The following SNUPN variants were observed in gnomAD, a reference collection of about 807,000 sequenced individuals.
The protein encoded by SNUPN is snurportin-1.
In SNUPN, 31 loss-of-function variants were observed where a neutral mutation model predicts 39.2. The observed-to-expected ratio is 0.79, with a 90% CI of 0.59 to 1.07. SNUPN has a LOEUF of 1.07. Among genes scored for constraint, SNUPN ranks in the 50% least tolerant of loss-of-function variants. The pLI, the probability that SNUPN is intolerant of heterozygous loss-of-function variation, is 0.00. For missense variants in SNUPN, 382 were observed against 434.2 expected, an observed-to-expected ratio of 0.88 and a Z score of 1.07; for synonymous variants, 132 against 159.0, an observed-to-expected ratio of 0.83 and a Z score of 1.28.
intron 8 of SNUPN, chr15:75,600,881 G>C (rs1263077754): frequency 2.5e-6 from 1 of 395,300 alleles, no homozygotes; most frequent in East Asian, 5.2e-5. Context: ...CCGGACCTCA[G>C]TTTCTCCATC....
intron 3 of SNUPN, among the ~76,000 whole-genome samples, chr15:75,616,047 A>G (rs1892924478): frequency 1.3e-5 from 2 of 152,176 alleles, no homozygotes; most frequent in Admixed American, 1.3e-4. Context: ...CTTACTGAAC[A>G]AAATTGAATT....
intron 3 of SNUPN, among the ~76,000 whole-genome samples, chr15:75,610,745 A>C (rs1892757240): frequency 6.6e-6 from 1 of 152,210 alleles, no homozygotes; most frequent in Non-Finnish European, 1.5e-5. Flanking sequence ...CCCAAATACT[A>C]TACTACAGGA....
chr15:75,616,264 C>T (rs1001593501), intron 3 of SNUPN, among the ~76,000 whole-genome samples: 4 of 151,702 alleles, frequency 2.6e-5, no homozygotes, highest in Non-Finnish European at 5.9e-5. Context: ...CGAGACCAAC[C>T]TGTCCACCAT....
intron 2 of SNUPN, among the ~76,000 whole-genome samples, chr15:75,618,023 C>A (rs537510740): frequency 6.6e-6 from 1 of 152,270 alleles, no homozygotes; most frequent in African/African-American, 2.4e-5. Flanking sequence ...AAAACAGTGA[C>A]CGCCCCCTCA....
rs755762561 is a variant in SNUPN, at chr15:75,621,033, C to G, written c.19G>C (p.Ala7Pro). The G allele has an allele frequency of 1.2e-6, 2 of 1,613,694 alleles. No individual in the cohort carries two copies. Among genetic ancestry groups the G allele is most frequent in the Non-Finnish European group, 1.7e-6 (2 of 1,179,934 alleles). Residue 7 changes from alanine to proline, a missense_variant, in exon 2 of 9, where the codon GCC becomes CCC. Coordinates refer to ENST00000308588, the MANE Select transcript of SNUPN (RefSeq NM_005701.4). ...GACACAGAAAAGCTACTAGCCAGGG[C>G]CTGACTCAACTCTTCCATCTTCCCT... MEELSQ[A>P]LASSFSVSQD...
chr15:75,610,859 T>G (rs1225501980), intron 3 of SNUPN, among the ~76,000 whole-genome samples: 1 of 152,204 alleles, frequency 6.6e-6, no homozygotes, highest in Non-Finnish European at 1.5e-5. Flanking sequence ...CCACTCAGTC[T>G]CTTCCATCTG....
chr15:75,607,389 C>T, intron 5 of SNUPN, 76 bp from the exon 6 acceptor site: 1 of 956,412 alleles, frequency 1.0e-6, no homozygotes, highest in Non-Finnish European at 1.7e-6. Flanking sequence ...CTAGGGAGCC[C>T]CATCCCAGAG....
At chr15:75,622,775 A>G (rs1893103724) in intron 1 of SNUPN, among the ~76,000 whole-genome samples, 1 of 152,154 alleles carries the variant, frequency 6.6e-6, no homozygotes, top group Non-Finnish European at 1.5e-5. Flanking sequence ...GTTACTTTCC[A>G]TTGCACAAGT....
chr15:75,613,121 C>T (rs912047618), intron 3 of SNUPN, among the ~76,000 whole-genome samples: 13 of 151,600 alleles, frequency 8.6e-5, no homozygotes, highest in Admixed American at 7.2e-4. Context: ...TAGCCGGGCG[C>T]GGTGGCGGGC....
In SNUPN at chr15:75,601,117, TAA is replaced by T. The variant is rs1464977900; in HGVS notation, c.759+19_759+20del. 4 of 1,567,446 alleles carry T rather than the reference TAA, an allele frequency of 2.6e-6. No individual in the cohort carries two copies. The highest frequency in any genetic ancestry group is 8.8e-7 in the Non-Finnish European group (1 of 1,137,600). ...GCAGCCTATCATCATGTCAAGGCAA[TAA>T]AGACAATGGTTTCGTTACCTCAAAA... On this transcript the variant is annotated intron_variant, in intron 8 of 8. Coordinates refer to ENST00000308588, the MANE Select transcript of SNUPN (RefSeq NM_005701.4).
chr15:75,603,804 C>A (rs2075310302), intron 7 of SNUPN, among the ~76,000 whole-genome samples: 1 of 152,014 alleles, frequency 6.6e-6, no homozygotes, highest in South Asian at 2.1e-4. Context: ...CTAGTGAAAT[C>A]CTTTTCACAC....
At chr15:75,602,780 A>AT (rs2075299390) in intron 7 of SNUPN, among the ~76,000 whole-genome samples, 1 of 151,584 alleles carries the variant, frequency 6.6e-6, no homozygotes, top group South Asian at 2.1e-4. Context: ...CTGTTTTTGT[A>AT]TTTTTTTGTA....
intron 1 of SNUPN, among the ~76,000 whole-genome samples, chr15:75,623,966 C>T (rs571590312): frequency 7.5e-6 from 1 of 132,732 alleles, no homozygotes; most frequent in South Asian, 2.4e-4. Context: ...CTCGCTCTGT[C>T]GCCCAGGCTG....
At chr15:75,619,771 G>A (rs889734468) in intron 2 of SNUPN, among the ~76,000 whole-genome samples, 3 of 151,950 alleles carry the variant, frequency 2.0e-5, no homozygotes, top group Non-Finnish European at 2.9e-5. Flanking sequence ...ATTTATTTGA[G>A]AGAGTCTAGC....
chr15:75,602,460 A>G (rs1033277619), intron 7 of SNUPN, among the ~76,000 whole-genome samples: 1 of 148,576 alleles, frequency 6.7e-6, no homozygotes, highest in Non-Finnish European at 1.5e-5. Flanking sequence ...TGGGAGGCGG[A>G]GGTTGCAGTG....
intron 3 of SNUPN, among the ~76,000 whole-genome samples, chr15:75,610,291 T>C (rs1484109757): frequency 6.7e-6 from 1 of 150,328 alleles, no homozygotes; most frequent in Non-Finnish European, 1.5e-5. Flanking sequence ...TCCCAGCTAC[T>C]AGGAAGGCTG....
chr15:75,598,348 G>A lies in SNUPN; in HGVS notation c.*10C>T. 2 of 1,604,808 alleles carry A rather than the reference G, an allele frequency of 1.2e-6. No individual in the cohort carries two copies. Among genetic ancestry groups the A allele is most frequent in the East Asian group, 2.2e-5 (1 of 44,756 alleles). On this transcript the variant is annotated 3_prime_UTR_variant, in exon 9 of 9. Transcript: ENST00000308588. ...TACCATCCTGTGGCTCCTTAAGGAG[G>A]CTTCTCTCTTTAATTCTCCATGAGG...
chr15:75,607,394 C>T, intron 5 of SNUPN, 81 bp from the exon 6 acceptor site: 1 of 908,168 alleles, frequency 1.1e-6, no homozygotes, highest in South Asian at 1.3e-5. Context: ...GAGCCCCATC[C>T]CAGAGGCTTG....
chr15:75,600,580 G>A (rs1159848528), intron 8 of SNUPN: 4 of 153,894 alleles, frequency 2.6e-5, no homozygotes, highest in Non-Finnish European at 5.8e-5. Flanking sequence ...CAGCCGCTGT[G>A]AGACTTTCAG....
Sources: allele counts gnomAD v4.1 joint callset (sites outside exome capture counted in the v4.1 genomes callset), GRCh38; gene constraint gnomAD v4.1.1; transcripts MANE v1.5; gene names NCBI Gene and HGNC (gene_info 2026-07-23, HGNC 2026-07-21).